OXCT1: variants seen among roughly 807,000 people sequenced by gnomAD.
OXCT1 encodes succinyl-CoA:3-ketoacid coenzyme A transferase 1, mitochondrial.
A neutral mutation model predicts 69.6 loss-of-function variants in OXCT1; 27 were observed. The ratio of observed to expected loss-of-function variants is 0.39; its 90% CI spans 0.29 to 0.54. The LOEUF (loss-of-function observed/expected upper bound fraction) is 0.54, where lower values mean the gene tolerates loss of function less well. Ranked by LOEUF, OXCT1 falls within the 20% of genes least tolerant of loss-of-function variation. OXCT1 has a pLI of 0.72. For synonymous variants in OXCT1, 202 were observed against 217.8 expected (o/e 0.93, Z 0.64); for missense variants, 437 against 650.2 (o/e 0.67, Z 3.57).
intron 13 of OXCT1, among the ~76,000 whole-genome samples, chr5:41,782,113 T>C (rs1745432348): frequency 7.1e-6 from 1 of 140,946 alleles, no homozygotes; most frequent in African/African-American, 2.6e-5. Context: ...CTTGCCAGCA[T>C]CTTTTTTTTT....
intron 14 of OXCT1, among the ~76,000 whole-genome samples, chr5:41,758,568 A>G (rs1189090610): frequency 5.9e-5 from 9 of 151,620 alleles, no homozygotes; most frequent in Non-Finnish European, 2.9e-5. Context: ...AGTGAAAAAT[A>G]GTAGTTGGTA....
At chr5:41,858,269 A>G (rs1243999498) in intron 3 of OXCT1, among the ~76,000 whole-genome samples, 1 of 152,228 alleles carries the variant, frequency 6.6e-6, no homozygotes, top group Non-Finnish European at 1.5e-5. Context: ...TGGCAAGTGT[A>G]TATCTTACCT....
At chr5:41,802,369 T>C (rs1746462672) in intron 10 of OXCT1, among the ~76,000 whole-genome samples, 1 of 152,062 alleles carries the variant, frequency 6.6e-6, no homozygotes, top group Non-Finnish European at 1.5e-5. Flanking sequence ...GTTAATTAAA[T>C]TAAAATGTCA....
intron 16 of OXCT1, among the ~76,000 whole-genome samples, chr5:41,733,244 CTTTTT>C (rs35461928): frequency 7.8e-6 from 1 of 128,040 alleles, no homozygotes; most frequent in African/African-American, 2.9e-5. Context: ...TTTAGTGAAA[CTTTTT>C]TTTTTTTTTT....
At chr5:41,835,628 A>G (rs943064692) in intron 7 of OXCT1, among the ~76,000 whole-genome samples, 1 of 152,240 alleles carries the variant, frequency 6.6e-6, no homozygotes, top group Non-Finnish European at 1.5e-5. Flanking sequence ...AAATACAATA[A>G]AAGTAATTAT....
intron 5 of OXCT1, among the ~76,000 whole-genome samples, chr5:41,848,518 A>G (rs13159004): frequency 0.051 from 6,134 of 120,634 alleles, 211 homozygotes; most frequent in Middle Eastern, 0.15. Flanking sequence ...GCATCACACT[A>G]CCTGACTTCA....
chr5:41,783,897 TA>T (rs1197002761), intron 13 of OXCT1, among the ~76,000 whole-genome samples: 1 of 152,126 alleles, frequency 6.6e-6, no homozygotes, highest in Non-Finnish European at 1.5e-5. Flanking sequence ...TCTTTCCTCC[TA>T]AAAAAGACTC....
At chr5:41,856,935 ACCTGGCTAGGT>A (rs1378479194) in intron 3 of OXCT1, among the ~76,000 whole-genome samples, 1 of 152,118 alleles carries the variant, frequency 6.6e-6, no homozygotes, top group African/African-American at 2.4e-5. Flanking sequence ...TACTCCTAGT[ACCTGGCTAGGT>A]CCCCACAATT....
At chr5:41,840,547 A>T in intron 6 of OXCT1, 36 bp from the exon 7 acceptor site, 1 of 1,380,122 alleles carries the variant, frequency 7.2e-7, no homozygotes, top group South Asian at 1.2e-5. Context: ...GTGGGGGGGA[A>T]AAGACGAAAA....
chr5:41,773,666 A>G (rs1209816217), intron 13 of OXCT1, among the ~76,000 whole-genome samples: 2 of 151,402 alleles, frequency 1.3e-5, no homozygotes, highest in Non-Finnish European at 2.9e-5. Context: ...AGAATAGAAA[A>G]TTGTTTTCAA....
At chr5:41,791,096 G>C (rs1745894493) in intron 13 of OXCT1, among the ~76,000 whole-genome samples, 1 of 152,136 alleles carries the variant, frequency 6.6e-6, no homozygotes, top group Admixed American at 6.5e-5. Flanking sequence ...TTTGTAAGGG[G>C]TAGGGCTGAA....
chr5:41,775,815 C>T lies in OXCT1; in HGVS notation c.1249-13615G>A, dbSNP rs80276276. Among the ~76,000 whole-genome samples the T allele has an allele frequency of 6.4e-3, 978 of 152,180 alleles. 9 individuals are homozygous for T. The highest frequency in any genetic ancestry group is 0.022 in the African/African-American group (929 of 41,494). The stretch of plus-strand genomic sequence containing the variant: ...TAACAAAATGCTCCTATGGCCCTAT[C>T]GCTCAGGAAATTCCAAACATTTTAG... On this transcript the variant is annotated intron_variant, in intron 13 of 16. Coordinates refer to ENST00000196371, the MANE Select transcript of OXCT1 (RefSeq NM_000436.4).
At chr5:41,737,273 A>G (rs1182481415) in intron 16 of OXCT1, among the ~76,000 whole-genome samples, 1 of 152,222 alleles carries the variant, frequency 6.6e-6, no homozygotes, top group Non-Finnish European at 1.5e-5. Flanking sequence ...AAAAGAAGAG[A>G]TGGTACTGAA....
chr5:41,788,823 AATATAT>A (rs1228595456), intron 13 of OXCT1, among the ~76,000 whole-genome samples: 5 of 152,206 alleles, frequency 3.3e-5, no homozygotes, highest in Non-Finnish European at 7.3e-5. Context: ...ACAAGAGCAG[AATATAT>A]ATTCAAGTGC....
chr5:41,739,248 G>T (rs946978936), intron 16 of OXCT1, 142 bp downstream of exon 16: 11 of 682,174 alleles, frequency 1.6e-5, no homozygotes, highest in Admixed American at 8.2e-5. Context: ...CTCATCTAGA[G>T]GCACCCTTCC....
At chr5:41,787,729 A>G (rs1382045359) in intron 13 of OXCT1, among the ~76,000 whole-genome samples, 1 of 151,228 alleles carries the variant, frequency 6.6e-6, no homozygotes, top group Non-Finnish European at 1.5e-5. Flanking sequence ...TTTGTAATAT[A>G]TGGAGCATCA....
At chr5:41,843,018 G>T (rs1748715435) in intron 5 of OXCT1, among the ~76,000 whole-genome samples, 2 of 152,124 alleles carry the variant, frequency 1.3e-5, no homozygotes, top group African/African-American at 4.8e-5. Context: ...AAGAAAATTT[G>T]TGCATTTGAG....
intron 15 of OXCT1, among the ~76,000 whole-genome samples, chr5:41,743,185 A>C (rs1743271815): frequency 6.6e-6 from 1 of 152,154 alleles, no homozygotes; most frequent in African/African-American, 2.4e-5. Context: ...CTGGTGTGAG[A>C]TGGTATCTCA....
rs1459019088 is a variant in OXCT1, at chr5:41,749,569, TG to T, written c.1376del (p.Pro459HisfsTer2). Reference protein sequence around the residue: ...AHKIMEKCTLPLTGKQCVNRI... With the variant: ...AHKIMEKCTLXLTGKQCVNRI... ...GGTTGACACATTGCTTTCCAGTCAA[TG>T]GTAATGTACATTTCTCCATGATTTT... is the stretch of plus-strand genomic sequence containing the variant. On this transcript the variant is annotated frameshift_variant, in exon 15 of 17. Coordinates refer to ENST00000196371, the MANE Select transcript of OXCT1 (RefSeq NM_000436.4). LOFTEE classifies it high-confidence loss of function. 1 of 1,609,758 alleles carries T rather than the reference TG, an allele frequency of 6.2e-7. No individual in the cohort carries two copies. Among genetic ancestry groups the T allele is most frequent in the African/African-American group, 1.3e-5 (1 of 74,778 alleles).
Sources: allele counts gnomAD v4.1 joint callset (sites outside exome capture counted in the v4.1 genomes callset), GRCh38; gene constraint gnomAD v4.1.1; transcripts MANE v1.5; gene names NCBI Gene and HGNC (gene_info 2026-07-23, HGNC 2026-07-21).